TRPC5: variants seen among roughly 807,000 people sequenced by gnomAD.
TRPC5 encodes the protein transient receptor potential cation channel subfamily C member 5.
In TRPC5, 9 loss-of-function variants were observed where a neutral mutation model predicts 56.5. That is an observed-to-expected ratio of 0.16 (90% CI 0.10 to 0.28). The LOEUF (loss-of-function observed/expected upper bound fraction) is 0.28, where lower values mean the gene tolerates loss of function less well. TRPC5 is among the 10% of genes least tolerant of loss of function. The probability of loss-of-function intolerance (pLI) is 1.00; values close to 1 mark genes in which losing one functional copy is unlikely to be tolerated. For synonymous variants in TRPC5, 282 were observed against 278.5 expected (o/e 1.01, Z -0.13); for missense variants, 469 against 748.9 (o/e 0.63, Z 4.36).
At chrX:111,999,715 C>T (rs1225587808) in intron 1 of TRPC5, among the ~76,000 whole-genome samples, 7 of 111,978 alleles carry the variant, frequency 6.3e-5, no homozygotes, top group African/African-American at 2.0e-4. Context: ...CCTGTAATCC[C>T]GGTACTTTGG....
At chrX:111,965,984 A>G (rs1333372241) in intron 1 of TRPC5, among the ~76,000 whole-genome samples, 1 of 112,187 alleles carries the variant, frequency 8.9e-6, no homozygotes, top group Non-Finnish European at 1.9e-5. Flanking sequence ...AAATCAGAGC[A>G]GAACTGAAGG....
At chrX:111,855,663 T>C (rs1301534704) in intron 3 of TRPC5, among the ~76,000 whole-genome samples, 1 of 112,306 alleles carries the variant, frequency 8.9e-6, no homozygotes, top group Non-Finnish European at 1.9e-5. Context: ...ATGATCTCCA[T>C]TATGTCCTCA....
chrX:112,053,731 G>T (rs112725622), intron 1 of TRPC5, among the ~76,000 whole-genome samples: 15,842 of 110,520 alleles, frequency 0.14, 1,515 homozygotes, highest in African/African-American at 0.35. Flanking sequence ...ATAATTTCTT[G>T]GTGTTATTAA....
chrX:111,907,529 G>T (rs1211625115), intron 3 of TRPC5, among the ~76,000 whole-genome samples: 1 of 110,246 alleles, frequency 9.1e-6, no homozygotes, highest in Non-Finnish European at 1.9e-5. Flanking sequence ...GGAGGCTGAG[G>T]TGGGAAGATT....
At position 111,952,175 on chromosome X, in the gene TRPC5, G is replaced by A. The variant is rs774537214; in HGVS notation, c.246C>T (p.Asn82=). 1 of 1,212,056 alleles carries A rather than the reference G, an allele frequency of 8.3e-7. No individual in the cohort carries two copies. The highest frequency in any genetic ancestry group is 1.8e-5 in the South Asian group (1 of 57,001). The change falls in exon 2 of 11, where the codon AAC becomes AAT. Residue 82 remains asparagine, a synonymous_variant. Coordinates refer to ENST00000262839, the MANE Select transcript of TRPC5 (RefSeq NM_012471.3). ...TCAGCAGTAGCTCCATGATCTCCAG[G>A]TTCTCGTTCTCAATGGCAATGAGCA... ...SALLIAIENE[N]LEIMELLLNH...
At chrX:111,851,526 TG>T (rs1923085194) in intron 5 of TRPC5, among the ~76,000 whole-genome samples, 1 of 109,954 alleles carries the variant, frequency 9.1e-6, no homozygotes, top group African/African-American at 3.3e-5. Context: ...TGTGTGTGTG[TG>T]TGTGTGTGTG....
intron 2 of TRPC5, among the ~76,000 whole-genome samples, chrX:111,920,697 G>A (rs189205807): frequency 6.3e-5 from 7 of 111,508 alleles, no homozygotes; most frequent in Non-Finnish European, 1.1e-4. Flanking sequence ...CACCTAGAAA[G>A]AACACCTTGG....
intron 3 of TRPC5, among the ~76,000 whole-genome samples, chrX:111,856,538 AAATAATAAT>A (rs750089190): frequency 2.4e-4 from 23 of 95,142 alleles, no homozygotes; most frequent in Middle Eastern, 5.1e-3. Context: ...GCCCTGTCTC[AAATAATAAT>A]AATAATAATA....
intron 2 of TRPC5, among the ~76,000 whole-genome samples, chrX:111,940,024 A>G (rs1362480453): frequency 8.9e-6 from 1 of 111,965 alleles, no homozygotes; most frequent in Non-Finnish European, 1.9e-5. Context: ...ACTTATAGCT[A>G]TAAACTTTCC....
At chrX:112,071,356 C>A (rs1462804128) in intron 1 of TRPC5, among the ~76,000 whole-genome samples, 3 of 107,950 alleles carry the variant, frequency 2.8e-5, no homozygotes, top group Non-Finnish European at 5.8e-5. Flanking sequence ...AAAAAGAATC[C>A]TATGAGATAA....
intron 7 of TRPC5, among the ~76,000 whole-genome samples, chrX:111,803,986 A>C (rs1295157550): frequency 4.5e-5 from 5 of 112,097 alleles, no homozygotes; most frequent in Non-Finnish European, 9.4e-5. Context: ...GGTTTTAGGT[A>C]TAACATTTAA....
chrX:111,902,024 C>A, intron 3 of TRPC5: 1 of 1,155,445 alleles, frequency 8.7e-7, no homozygotes, highest in Non-Finnish European at 1.1e-6. Flanking sequence ...TCCCGAGGAG[C>A]CTTCGCTACC....
At chrX:112,076,227 A>G (rs16986770) in intron 1 of TRPC5, among the ~76,000 whole-genome samples, 5,493 of 110,487 alleles carry the variant, frequency 0.05, 319 homozygotes, top group African/African-American at 0.17. Context: ...GGTCTGGAAC[A>G]TACCAAAGGA....
intron 1 of TRPC5, among the ~76,000 whole-genome samples, chrX:111,952,942 G>C (rs940990576): frequency 2.7e-5 from 3 of 111,560 alleles, no homozygotes; most frequent in Non-Finnish European, 3.8e-5. Flanking sequence ...AATATTCATG[G>C]TAACACTTCT....
chrX:111,890,866 C>T (rs770593599), intron 3 of TRPC5, among the ~76,000 whole-genome samples: 1 of 111,365 alleles, frequency 9.0e-6, no homozygotes, highest in South Asian at 3.9e-4. Context: ...CCTTTCCCTC[C>T]TCCCACCCTC....
intron 1 of TRPC5, among the ~76,000 whole-genome samples, chrX:112,023,852 C>T (rs1304627543): frequency 1.8e-5 from 2 of 111,533 alleles, no homozygotes; most frequent in Non-Finnish European, 3.8e-5. Flanking sequence ...TCTGCCCAAA[C>T]CCCAGCAGAG....
At chrX:111,901,036 G>C (rs1300106741) in intron 3 of TRPC5, among the ~76,000 whole-genome samples, 1 of 111,352 alleles carries the variant, frequency 9.0e-6, no homozygotes, top group Non-Finnish European at 1.9e-5. Context: ...ATGGAAGTGG[G>C]GCAGTAATAG....
At chrX:112,019,838 A>G (rs1488836085) in intron 1 of TRPC5, among the ~76,000 whole-genome samples, 3 of 110,824 alleles carry the variant, frequency 2.7e-5, no homozygotes, top group Non-Finnish European at 3.8e-5. Flanking sequence ...TTTTCTTTCT[A>G]GAATCTATTG....
intron 1 of TRPC5, among the ~76,000 whole-genome samples, chrX:112,068,514 A>C (rs1930641757): frequency 8.9e-6 from 1 of 111,900 alleles, no homozygotes; most frequent in South Asian, 3.7e-4. Context: ...TCTATTTTTG[A>C]ATGCTAGTCA....
Sources: gnomAD v4.1 joint callset for allele counts (sites outside exome capture counted in the v4.1 genomes callset) on GRCh38, gnomAD v4.1.1 for gene constraint, MANE v1.5 for transcripts, NCBI Gene and HGNC (gene_info 2026-07-23, HGNC 2026-07-21) for gene names.